Variants in PLXNA2 observed in about 807,000 individuals in gnomAD.
PLXNA2 encodes plexin-A2.
A neutral mutation model predicts 193.5 loss-of-function variants in PLXNA2; 91 were observed. The ratio of observed to expected loss-of-function variants is 0.47; its 90% CI spans 0.40 to 0.56. The LOEUF is 0.56. Ranked by LOEUF, PLXNA2 falls within the 20% of genes least tolerant of loss-of-function variation. The pLI is 0.00. For missense variants in PLXNA2, 1,995 were observed against 2,503.2 expected (o/e 0.80, Z 4.33); for synonymous variants, 997 against 1,027.3 (o/e 0.97, Z 0.56).
At chr1:208,136,104 C>T (rs957205620) in intron 4 of PLXNA2, among the ~76,000 whole-genome samples, 1 of 152,142 alleles carries the variant, frequency 6.6e-6, no homozygotes, top group African/African-American at 2.4e-5. Flanking sequence ...ACTTCCCAGA[C>T]ATGTAGGGGG....
Position 208,092,780 on chromosome 1 carries a change from T to C in PLXNA2, c.2097+6A>G. 5 of 1,594,398 alleles carry C rather than the reference T, an allele frequency of 3.1e-6. No homozygotes were observed. Among genetic ancestry groups the C allele is most frequent in the Non-Finnish European group, 4.3e-6 (5 of 1,162,610 alleles). ...ACACTGCCATGTTAGGGTAAGCCCTTCTTACCTCTGAAATATTGATCCGGC... is the reference window on the plus strand; with the variant it reads ...ACACTGCCATGTTAGGGTAAGCCCTCCTTACCTCTGAAATATTGATCCGGC... On this transcript the variant is annotated splice_donor_region_variant and intron_variant, in intron 9 of 31. Transcript: ENST00000367033.
chr1:208,206,489 GT>G (rs1172627992), intron 3 of PLXNA2, among the ~76,000 whole-genome samples: 1 of 152,136 alleles, frequency 6.6e-6, no homozygotes, highest in African/African-American at 2.4e-5. Context: ...TTCTCTGAAT[GT>G]TGGACCTTCA....
intron 12 of PLXNA2, among the ~76,000 whole-genome samples, chr1:208,069,152 G>A (rs1665894328): frequency 6.6e-6 from 1 of 152,188 alleles, no homozygotes; most frequent in African/African-American, 2.4e-5. Flanking sequence ...GCAGGATGTG[G>A]GATTAGGCAG....
chr1:208,056,002 G>T (rs996832358), intron 13 of PLXNA2, among the ~76,000 whole-genome samples: 1 of 152,228 alleles, frequency 6.6e-6, no homozygotes, highest in African/African-American at 2.4e-5. Flanking sequence ...AAGGAAACAT[G>T]ATAGTGATGA....
chr1:208,161,470 C>T (rs1438723825), intron 3 of PLXNA2, among the ~76,000 whole-genome samples: 1 of 152,112 alleles, frequency 6.6e-6, no homozygotes, highest in East Asian at 1.9e-4. Context: ...TCTCAAAATG[C>T]CATTAAAACA....
At chr1:208,133,919 CTG>C (rs1407410260) in intron 4 of PLXNA2, among the ~76,000 whole-genome samples, 4 of 152,200 alleles carry the variant, frequency 2.6e-5, no homozygotes, top group Non-Finnish European at 5.9e-5. Context: ...TGGTGAGACA[CTG>C]TAACTTCCCA....
In PLXNA2 at chr1:208,045,142, G is replaced by C; in HGVS notation, c.3564C>G (p.Thr1188=). 6.2e-7 allele frequency: 1 copy of C among 1,614,104 alleles called. No individual in the cohort carries two copies. Among genetic ancestry groups the C allele is most frequent in the Non-Finnish European group, 8.5e-7 (1 of 1,179,990 alleles). ...TCTCAGATACGGTGACAGCACAAGGGGTCTCTCCGATGAGCACAGTGTAGT... is the reference window on the plus strand; with the variant it reads ...TCTCAGATACGGTGACAGCACAAGGCGTCTCTCCGATGAGCACAGTGTAGT... ...KLNYTVLIGE[T]PCAVTVSETQ... Residue 1188 remains threonine (T), a synonymous_variant, in exon 19 of 32, where the codon ACC becomes ACG. Transcript: ENST00000367033.
At position 208,082,444 on chromosome 1, in the gene PLXNA2, T is replaced by A; in HGVS notation, c.2363A>T (p.Asn788Ile). ...AVDFAVVWNG[N>I]FIIDNPQDLK... ...GTCCTGAGGGTTGTCAATGATGAAA[T>A]TGCCGTTCCACACCACAGCGAAATC... The change falls in exon 11 of 32, where the codon AAT becomes ATT. Residue 788 changes from asparagine to isoleucine, a missense_variant. By Grantham distance (149) the Asn-to-Ile change is moderately radical. This residue lies in a region of PLXNA2 where 1,291 missense variants were observed against 1,673.6 expected (regional missense o/e 0.77). Transcript: ENST00000367033. The surrounding 1 kb of genome is among the most constrained non-coding windows in gnomAD (Gnocchi z 4.2). 3 of 1,614,064 alleles carry A rather than the reference T, an allele frequency of 1.9e-6. No homozygotes were observed. The highest frequency in any genetic ancestry group is 2.5e-6 in the Non-Finnish European group (3 of 1,179,980).
chr1:208,228,210 C>A (rs781068165), intron 1 of PLXNA2, among the ~76,000 whole-genome samples: 1 of 152,184 alleles, frequency 6.6e-6, no homozygotes. Context: ...AGTGACCTCA[C>A]ATGGCTGGCC....
At chr1:208,111,502 CAGA>C (rs1667474885) in intron 4 of PLXNA2, among the ~76,000 whole-genome samples, 1 of 152,166 alleles carries the variant, frequency 6.6e-6, no homozygotes, top group Admixed American at 6.5e-5. Context: ...GTGGCCGCAG[CAGA>C]AGTTTTCTGT....
chr1:208,033,203 G>A (rs1298841282), intron 28 of PLXNA2, 116 bp downstream of exon 28: 3 of 993,538 alleles, frequency 3.0e-6, no homozygotes, highest in East Asian at 4.8e-5. Context: ...GCTGTACCTG[G>A]ACTGTCTGAA....
intron 4 of PLXNA2, among the ~76,000 whole-genome samples, chr1:208,125,427 C>T (rs775977594): frequency 3.5e-4 from 53 of 152,170 alleles, no homozygotes; most frequent in Non-Finnish European, 6.2e-4. Context: ...CCTCAGATTC[C>T]TTCCTCCATC....
intron 4 of PLXNA2, among the ~76,000 whole-genome samples, chr1:208,128,356 G>A (rs1431948057): frequency 6.6e-6 from 1 of 151,296 alleles, no homozygotes; most frequent in Non-Finnish European, 1.5e-5. Context: ...TACCTTGGAG[G>A]CAGGGAGAAA....
At chr1:208,228,003 G>A (rs1671566269) in intron 1 of PLXNA2, among the ~76,000 whole-genome samples, 1 of 152,126 alleles carries the variant, frequency 6.6e-6, no homozygotes, top group African/African-American at 2.4e-5. Flanking sequence ...GGAACAATGA[G>A]GGAGTAAGAA....
chr1:208,167,183 G>A (rs1444506371), intron 3 of PLXNA2, among the ~76,000 whole-genome samples: 1 of 152,146 alleles, frequency 6.6e-6, no homozygotes, highest in Admixed American at 6.5e-5. Context: ...AGCTCCTAAT[G>A]AGGACTCCCC....
intron 22 of PLXNA2, among the ~76,000 whole-genome samples, chr1:208,041,869 G>A (rs1664881779): frequency 6.6e-6 from 1 of 152,220 alleles, no homozygotes; most frequent in Admixed American, 6.5e-5. Flanking sequence ...TCCGAGCAAG[G>A]GTCTGAGCTC....
chr1:208,082,366 C>T lies in PLXNA2; in HGVS notation c.2395+46G>A, dbSNP rs752288535. 2.5e-5 allele frequency: 37 copies of T among 1,476,538 alleles called. No individual in the cohort carries two copies. Among genetic ancestry groups the T allele is most frequent in the Admixed American group, 7.0e-5 (4 of 57,392 alleles). The allele number at this position is 1,476,538 out of a possible 1,614,324, so 91.5% of individuals were successfully genotyped here. ...TGATCCCTCTAGCCCCAGTCTTTCCCGGGGTCGTGAAAAGATCAAACTTCT... is the reference window on the plus strand; with the variant it reads ...TGATCCCTCTAGCCCCAGTCTTTCCTGGGGTCGTGAAAAGATCAAACTTCT... On this transcript the variant is annotated intron_variant, in intron 11 of 31. Transcript: ENST00000367033. The surrounding 1 kb of genome is among the most constrained non-coding windows in gnomAD (Gnocchi z 4.2).
rs1021066659 is a variant in PLXNA2, at chr1:208,051,322, T to C, written c.3095A>G (p.Asn1032Ser). The C allele has an allele frequency of 6.2e-7, 1 of 1,613,740 alleles. No homozygotes were observed. The highest frequency in any genetic ancestry group is 8.5e-7 in the Non-Finnish European group (1 of 1,179,912). ...VSVDRAHVDS[N>S]LQFEYIDDPR... ...GTCATCTATGTACTCAAACTGCAGG[T>C]TGCTATCCACATGGGCTCGGTCGAC... The change falls in exon 16 of 32, where the codon AAC becomes AGC. Residue 1032 changes from asparagine (N) to serine (S), a missense_variant. Asn to Ser is a conservative substitution (Grantham distance 46, BLOSUM62 1). Around this residue, in one of 3 missense-constraint regions of PLXNA2, gnomAD observed 1,291 missense variants for 1,673.6 expected, o/e 0.77. Transcript: ENST00000367033.
chr1:208,043,019 T>C (rs1172040086), intron 21 of PLXNA2, 42 bp downstream of exon 21: 1 of 1,606,230 alleles, frequency 6.2e-7, no homozygotes. Flanking sequence ...ACCCTGGGCC[T>C]GCATCCCTGC....
Sources: gnomAD v4.1 joint callset for allele counts (sites outside exome capture counted in the v4.1 genomes callset) on GRCh38, gnomAD v4.1.1 for gene constraint, gnomAD v4.1.1 regional missense constraint, Gnocchi (gnomAD v3.1) non-coding constraint, MANE v1.5 for transcripts, NCBI Gene and HGNC (gene_info 2026-07-23, HGNC 2026-07-21) for gene names.